NRXN3: variants seen among roughly 807,000 people sequenced by gnomAD.
NRXN3 encodes neurexin 3, also known as neurexin III.
NRXN3 carries 32 observed loss-of-function variants against 137.6 expected under a neutral mutation model. The ratio of observed to expected loss-of-function variants is 0.23; its 90% confidence interval spans 0.18 to 0.31. The LOEUF is 0.31. Among genes scored for constraint, NRXN3 ranks in the 10% least tolerant of loss-of-function variants. The probability of loss-of-function intolerance (pLI) is 1.00; values close to 1 mark genes in which losing one functional copy is unlikely to be tolerated. For synonymous variants in NRXN3, 798 were observed against 784.5 expected (o/e 1.02, Z -0.29); for missense variants, 1,574 against 2,062.5 (o/e 0.76, Z 4.59).
intron 10 of NRXN3, among the ~76,000 whole-genome samples, chr14:78,924,078 C>T (rs2152832733): frequency 6.6e-6 from 1 of 152,094 alleles, no homozygotes; most frequent in Middle Eastern, 3.4e-3. Flanking sequence ...GGTGAAACAC[C>T]ATCTCTACCA....
At chr14:78,545,779 A>G (rs2152133104) in intron 4 of NRXN3, among the ~76,000 whole-genome samples, 1 of 152,164 alleles carries the variant, frequency 6.6e-6, no homozygotes, top group Admixed American at 6.5e-5. Context: ...CCACTTTGCA[A>G]TCTCTTTTTC....
At chr14:78,706,259 G>C in intron 6 of NRXN3, among the ~76,000 whole-genome samples, 1 of 152,154 alleles carries the variant, frequency 6.6e-6, no homozygotes. Flanking sequence ...CACATGCTAA[G>C]GTATAATAGT....
intron 4 of NRXN3, among the ~76,000 whole-genome samples, chr14:78,333,209 G>A (rs891142367): frequency 3.9e-5 from 6 of 152,196 alleles, no homozygotes; most frequent in Non-Finnish European, 4.4e-5. Context: ...AATTCTGCAG[G>A]CCTAAGGGAG....
At chr14:79,555,463 T>C (rs895861158) in intron 16 of NRXN3, among the ~76,000 whole-genome samples, 3 of 152,124 alleles carry the variant, frequency 2.0e-5, no homozygotes, top group African/African-American at 7.2e-5. Flanking sequence ...CAGAGAAGGA[T>C]GATTCGATGT....
chr14:78,791,060 G>T (rs569604667), intron 8 of NRXN3, among the ~76,000 whole-genome samples: 77 of 152,270 alleles, frequency 5.1e-4, no homozygotes, highest in African/African-American at 1.7e-3. Flanking sequence ...CCTTGCAGGT[G>T]TAGCCAAGAA....
At chr14:79,063,440 T>G (rs1160709790) in intron 15 of NRXN3, among the ~76,000 whole-genome samples, 3 of 152,110 alleles carry the variant, frequency 2.0e-5, no homozygotes, top group Non-Finnish European at 4.4e-5. Flanking sequence ...CATACCACCA[T>G]GCCCGGCTAA....
At chr14:78,858,214 G>A (rs2099062821) in intron 10 of NRXN3, among the ~76,000 whole-genome samples, 1 of 152,114 alleles carries the variant, frequency 6.6e-6, no homozygotes. Context: ...GGCAGTAGGA[G>A]AGCTGATGTC....
At chr14:79,453,546 T>G (rs2096210976) in intron 15 of NRXN3, among the ~76,000 whole-genome samples, 1 of 152,144 alleles carries the variant, frequency 6.6e-6, no homozygotes, top group African/African-American at 2.4e-5. Flanking sequence ...ATACTAAATA[T>G]TAAGTACTTG....
chr14:79,337,803 T>C (rs1387515797), intron 15 of NRXN3, among the ~76,000 whole-genome samples: 2 of 152,196 alleles, frequency 1.3e-5, no homozygotes, highest in Admixed American at 6.5e-5. Flanking sequence ...AATACTGTTG[T>C]AGAGAAATGT....
intron 10 of NRXN3, among the ~76,000 whole-genome samples, chr14:78,927,183 G>T (rs1309710547): frequency 6.9e-6 from 1 of 144,856 alleles, no homozygotes; most frequent in Admixed American, 7.2e-5. Flanking sequence ...TCAGAATTCC[G>T]ACTATATGCC....
chr14:79,362,625 A>T (rs542385556), intron 15 of NRXN3, among the ~76,000 whole-genome samples: 1 of 152,324 alleles, frequency 6.6e-6, no homozygotes, highest in Middle Eastern at 3.4e-3. Flanking sequence ...TAGAAACATG[A>T]TTCTTAGAAA....
At chr14:78,575,774 G>A in intron 4 of NRXN3, among the ~76,000 whole-genome samples, 1 of 152,134 alleles carries the variant, frequency 6.6e-6, no homozygotes. Context: ...TTCAAGTTTA[G>A]GTAGGGTAAA....
intron 19 of NRXN3, among the ~76,000 whole-genome samples, chr14:79,776,067 G>T (rs2099096155): frequency 6.6e-6 from 1 of 152,146 alleles, no homozygotes; most frequent in Non-Finnish European, 1.5e-5. Context: ...GAAATATGGG[G>T]TGGGAGTATG....
chr14:78,981,842 A>T (rs894512952), intron 14 of NRXN3, among the ~76,000 whole-genome samples: 1 of 152,234 alleles, frequency 6.6e-6, no homozygotes, highest in African/African-American at 2.4e-5. Flanking sequence ...ACACACTGCT[A>T]TGTGAAATGC....
At chr14:79,718,522 C>T (rs116894452) in intron 19 of NRXN3, among the ~76,000 whole-genome samples, 6,927 of 152,202 alleles carry the variant, frequency 0.046, 197 homozygotes, top group South Asian at 0.09. Flanking sequence ...TGTAAAGCAG[C>T]AAGAGAGGAG....
intron 2 of NRXN3, among the ~76,000 whole-genome samples, chr14:78,245,581 G>A (rs940466431): frequency 6.6e-6 from 1 of 152,172 alleles, no homozygotes; most frequent in African/African-American, 2.4e-5. Context: ...AACCCCTAAA[G>A]CAGGTTGTGC....
At chr14:78,378,617 A>G (rs1014123461) in intron 4 of NRXN3, among the ~76,000 whole-genome samples, 4 of 152,192 alleles carry the variant, frequency 2.6e-5, no homozygotes, top group Non-Finnish European at 5.9e-5. Flanking sequence ...AAAAGAGGAA[A>G]AGTCTCAAAT....
chr14:79,001,099 C>T (rs1473292079), intron 15 of NRXN3, among the ~76,000 whole-genome samples: 1 of 152,082 alleles, frequency 6.6e-6, no homozygotes, highest in Admixed American at 6.6e-5. Context: ...CCTGAAGCTG[C>T]ATCTCTTGTC....
chr14:78,226,911 C>T (rs2064747298), intron 1 of NRXN3, among the ~76,000 whole-genome samples: 1 of 152,196 alleles, frequency 6.6e-6, no homozygotes, highest in Non-Finnish European at 1.5e-5. Context: ...TAATAACTCA[C>T]TGTGACAGGG....
Sources: allele counts gnomAD v4.1 joint callset (sites outside exome capture counted in the v4.1 genomes callset), GRCh38; gene constraint gnomAD v4.1.1; transcripts MANE v1.5; gene names NCBI Gene and HGNC (gene_info 2026-07-23, HGNC 2026-07-21).